DCC: variants seen among roughly 807,000 people sequenced by gnomAD.
DCC encodes the protein DCC netrin 1 receptor, also known as netrin receptor DCC.
A neutral mutation model predicts 172.5 loss-of-function variants in DCC; 58 were observed. The observed-to-expected ratio is 0.34, with a 90% CI of 0.27 to 0.42. The LOEUF is 0.42. Ranked by LOEUF, DCC falls within the 10% of genes least tolerant of loss-of-function variation. The pLI is 1.00. For missense variants in DCC, 1,740 were observed against 1,791.0 expected, an observed-to-expected ratio of 0.97 and a Z score of 0.51; for synonymous variants, 709 against 644.5, an observed-to-expected ratio of 1.10 and a Z score of -1.52.
chr18:52,674,190 T>C (rs1045843811), intron 1 of DCC, among the ~76,000 whole-genome samples: 3 of 152,180 alleles, frequency 2.0e-5, no homozygotes, highest in Admixed American at 2.0e-4. Flanking sequence ...ATAAGGTTAT[T>C]GGCTTGCACA....
chr18:52,340,943 A>G (rs889529889), intron 1 of DCC, 65 bp downstream of exon 1: 2 of 1,279,052 alleles, frequency 1.6e-6, no homozygotes, highest in East Asian at 2.3e-5. Context: ...TTCTCATTTC[A>G]TTTGGCGAGT....
intron 24 of DCC, among the ~76,000 whole-genome samples, chr18:53,461,649 T>C (rs2045560922): frequency 6.6e-6 from 1 of 152,248 alleles, no homozygotes; most frequent in Non-Finnish European, 1.5e-5. Flanking sequence ...GTTGCTGTTT[T>C]ACTGTACTCT....
chr18:52,427,677 C>G (rs1366268944), intron 1 of DCC, among the ~76,000 whole-genome samples: 1 of 151,872 alleles, frequency 6.6e-6, no homozygotes, highest in Non-Finnish European at 1.5e-5. Flanking sequence ...TTTTCTTACT[C>G]CCATCATGAT....
At chr18:53,126,236 G>T (rs2043554544) in intron 7 of DCC, among the ~76,000 whole-genome samples, 2 of 152,052 alleles carry the variant, frequency 1.3e-5, no homozygotes, top group African/African-American at 4.8e-5. Flanking sequence ...AGTAACATAA[G>T]ACTTCTTGTT....
intron 9 of DCC, among the ~76,000 whole-genome samples, chr18:53,197,650 T>A (rs1029323952): frequency 6.6e-6 from 1 of 152,082 alleles, no homozygotes; most frequent in African/African-American, 2.4e-5. Context: ...TGGCATGCCT[T>A]GATCCTTCTA....
At position 53,416,060 on chromosome 18, in the gene DCC, A is replaced by T; in HGVS notation, c.3131-64A>T. The T allele has an allele frequency of 2.5e-6, 3 of 1,202,504 alleles. No individual in the cohort carries two copies. The South Asian group carries it at 3.7e-5, about 15-fold the overall frequency. 74.5% of individuals were successfully genotyped at this position (1,202,504 alleles called of 1,614,324 possible). A position where few individuals can be genotyped will look rare whatever the true frequency, so the allele number is the denominator to read the frequency against. ...CTTACTAAAAAGAACTGTTGGTTTG[A>T]TATGTCAGCTTTCTTGCTAGGAACT... On this transcript the variant is annotated intron_variant, in intron 20 of 28. Transcript: ENST00000442544.
chr18:53,502,082 G>T (rs530997069), intron 27 of DCC, among the ~76,000 whole-genome samples: 1 of 151,898 alleles, frequency 6.6e-6, no homozygotes, highest in East Asian at 1.9e-4. Context: ...GCAAAATCTC[G>T]TTTTCTTTTA....
rs1395174782 is a variant in DCC at position 53,459,395 on chromosome 18, C to T, written c.3556C>T (p.Leu1186Phe). The T allele has an allele frequency of 6.2e-7, 1 of 1,614,024 alleles. No individual in the cohort carries two copies. The highest frequency in any genetic ancestry group is 8.5e-7 in the Non-Finnish European group (1 of 1,179,972). Residue 1186 changes from leucine (L) to phenylalanine (F), a missense_variant, in exon 24 of 29, where the codon CTC becomes TTC. This residue lies in a region of DCC where 1,732 missense variants were observed against 1,767.4 expected (regional missense o/e 0.98). Coordinates refer to ENST00000442544, the MANE Select transcript of DCC (RefSeq NM_005215.4). Reference protein sequence around the residue: ...RDSPIQSCQDLTPVSHSQSET... With the variant: ...RDSPIQSCQDFTPVSHSQSET... ...CTCTCCCATCCAAAGTTGCCAAGAC[C>T]TCACACCAGTCAGCCACAGCCAGTC...
At chr18:52,645,962 T>A (rs148696478) in intron 1 of DCC, among the ~76,000 whole-genome samples, 2 of 152,210 alleles carry the variant, frequency 1.3e-5, no homozygotes, top group African/African-American at 4.8e-5. Context: ...TTGGAATTAC[T>A]TTCAGATTTT....
At chr18:52,650,198 C>T (rs1278201137) in intron 1 of DCC, among the ~76,000 whole-genome samples, 5 of 151,972 alleles carry the variant, frequency 3.3e-5, no homozygotes, top group African/African-American at 7.3e-5. Flanking sequence ...AGGCAGGTCT[C>T]GAACTCCCGA....
intron 1 of DCC, among the ~76,000 whole-genome samples, chr18:52,611,735 T>G (rs995004077): frequency 1.3e-5 from 2 of 152,316 alleles, no homozygotes; most frequent in Admixed American, 6.5e-5. Flanking sequence ...CAGCCTCAAT[T>G]TTCTCATCTG....
Position 53,078,424 on chromosome 18 carries a change from A to C in DCC, c.1261+12258A>C, listed in dbSNP as rs2042751228. On this transcript the variant is annotated intron_variant, in intron 7 of 28. Coordinates refer to ENST00000442544, the MANE Select transcript of DCC (RefSeq NM_005215.4). ...TAAAGTTAGTCTTAATACTCCTCAAACATAACACAGCCAGTGCCTGACATA... is the reference window on the plus strand; with the variant it reads ...TAAAGTTAGTCTTAATACTCCTCAACCATAACACAGCCAGTGCCTGACATA... 2.0e-5 allele frequency among the ~76,000 whole-genome samples: 3 copies of C among 152,304 alleles called. No individual in the cohort carries two copies. In the South Asian group the frequency reaches 6.2e-4, roughly 32 times the overall value.
intron 1 of DCC, among the ~76,000 whole-genome samples, chr18:52,465,599 C>G (rs1988761988): frequency 6.6e-6 from 1 of 152,106 alleles, no homozygotes; most frequent in Admixed American, 6.6e-5. Context: ...GCCCTTTGTC[C>G]CGACAAAGGA....
chr18:53,140,361 A>G (rs1057494677), intron 7 of DCC, among the ~76,000 whole-genome samples: 2 of 152,180 alleles, frequency 1.3e-5, no homozygotes, highest in Non-Finnish European at 2.9e-5. Flanking sequence ...CGCAGAAATT[A>G]TCTTGCCATA....
At chr18:53,146,503 G>A (rs1235649461) in intron 7 of DCC, among the ~76,000 whole-genome samples, 1 of 152,170 alleles carries the variant, frequency 6.6e-6, no homozygotes, top group Non-Finnish European at 1.5e-5. Context: ...CTATTTACGA[G>A]GGCAGAGCCC....
chr18:52,802,443 C>G (rs1443568885), intron 2 of DCC, among the ~76,000 whole-genome samples: 1 of 148,394 alleles, frequency 6.7e-6, no homozygotes, highest in African/African-American at 2.5e-5. Context: ...AACCCCCACA[C>G]AATCAAAAAC....
chr18:52,985,152 C>T (rs117055477), intron 5 of DCC, among the ~76,000 whole-genome samples: 24 of 152,114 alleles, frequency 1.6e-4, no homozygotes, highest in Non-Finnish European at 2.2e-4. Context: ...CCTTTTTACT[C>T]CTAGTCCATT....
intron 12 of DCC, among the ~76,000 whole-genome samples, chr18:53,218,443 A>G (rs761111021): frequency 2.6e-5 from 4 of 152,116 alleles, no homozygotes; most frequent in Non-Finnish European, 5.9e-5. Flanking sequence ...AATTAAGCAG[A>G]GAAGTCTTTA....
At chr18:53,518,859 T>A (rs1401030307) in intron 27 of DCC, among the ~76,000 whole-genome samples, 1 of 152,146 alleles carries the variant, frequency 6.6e-6, no homozygotes, top group Admixed American at 6.6e-5. Context: ...TCATTTAACC[T>A]CAGAAACGTA....
Sources: allele counts gnomAD v4.1 joint callset (sites outside exome capture counted in the v4.1 genomes callset), GRCh38; gene constraint gnomAD v4.1.1; regional missense constraint gnomAD v4.1.1; transcripts MANE v1.5; gene names NCBI Gene and HGNC (gene_info 2026-07-23, HGNC 2026-07-21).